Variants in TOM1L2 observed in about 807,000 individuals in gnomAD.
TOM1L2 encodes TOM1-like protein 2.
TOM1L2 carries 31 observed loss-of-function variants against 67.9 expected under a neutral mutation model. The ratio of observed to expected loss-of-function variants is 0.46; its 90% CI spans 0.34 to 0.62. The LOEUF is 0.62. TOM1L2 is among the 20% of genes least tolerant of loss of function. TOM1L2 has a pLI of 0.01. For missense variants in TOM1L2, 606 were observed against 663.5 expected, an observed-to-expected ratio of 0.91 and a Z score of 0.95; for synonymous variants, 256 against 254.0, an observed-to-expected ratio of 1.01 and a Z score of -0.07.
intron 1 of TOM1L2, among the ~76,000 whole-genome samples, chr17:17,954,913 C>T (rs1048743248): frequency 1.3e-5 from 2 of 152,188 alleles, no homozygotes; most frequent in African/African-American, 4.8e-5. Context: ...GTCCCAGAAC[C>T]TCCATGGCAG....
Position 17,951,433 on chromosome 17 carries a change from A to C in TOM1L2, c.52+20829T>G, listed in dbSNP as rs148152734. Reference sequence around the variant, plus strand: ...TTTAGTACTTGGGTAGACACTGTAGATTCTCAAGCCTCATGTGTCACCAGT... The same window carrying C: ...TTTAGTACTTGGGTAGACACTGTAGCTTCTCAAGCCTCATGTGTCACCAGT... On this transcript the variant is annotated intron_variant, in intron 1 of 14. Transcript: ENST00000379504. Among the ~76,000 whole-genome samples, 13 of 152,334 alleles carry C rather than the reference A, an allele frequency of 8.5e-5. No individual in the cohort carries two copies. The East Asian group carries it at 2.5e-3, about 29-fold the overall frequency.
chr17:17,863,271 C>A, intron 10 of TOM1L2: 1 of 167,896 alleles, frequency 6.0e-6, no homozygotes, highest in Non-Finnish European at 1.3e-5. Flanking sequence ...TTGAGTAGAC[C>A]AAATTGAATC....
chr17:17,888,580 G>T (rs148118677), intron 4 of TOM1L2, among the ~76,000 whole-genome samples: 61 of 152,306 alleles, frequency 4.0e-4, no homozygotes, highest in Non-Finnish European at 7.9e-4. Context: ...TCTGGCCAGA[G>T]CCCAGCTACC....
intron 1 of TOM1L2, among the ~76,000 whole-genome samples, chr17:17,943,265 A>C (rs187888734): frequency 2.0e-5 from 3 of 152,346 alleles, no homozygotes; most frequent in Non-Finnish European, 4.4e-5. Context: ...AATCCACTGT[A>C]ACAGTCACTT....
chr17:17,921,841 G>A (rs1035144065), intron 1 of TOM1L2, among the ~76,000 whole-genome samples: 2 of 152,148 alleles, frequency 1.3e-5, no homozygotes, highest in Non-Finnish European at 2.9e-5. Flanking sequence ...TCCCCAGAGC[G>A]CCTCCCAGGG....
At chr17:17,887,316 T>C (rs2038048898) in intron 4 of TOM1L2, among the ~76,000 whole-genome samples, 1 of 152,238 alleles carries the variant, frequency 6.6e-6, no homozygotes, top group Admixed American at 6.5e-5. Context: ...CTCTATTGAA[T>C]AGGATTCTCA....
rs1041040260 is a variant in TOM1L2, at chr17:17,843,724, C to T, written c.*3911G>A. 6.6e-6 allele frequency: 1 copy of T among 152,500 alleles called. No homozygotes were observed. The highest frequency in any genetic ancestry group is 1.9e-4 in the East Asian group (1 of 5,200). 9.4% of individuals were successfully genotyped at this position (152,500 alleles called of 1,614,324 possible). On this transcript the variant is annotated 3_prime_UTR_variant, in exon 15 of 15. Coordinates refer to ENST00000379504, the MANE Select transcript of TOM1L2 (RefSeq NM_001082968.2). The stretch of plus-strand genomic sequence containing the variant: ...AGTGGACAGCAAACGCGACATTCAA[C>T]ACATTCCTCTTTTCAGTAGCCCCCA...
intron 10 of TOM1L2, 123 bp from the exon 11 acceptor site, chr17:17,862,971 G>GGA: frequency 4.4e-5 from 17 of 389,810 alleles, no homozygotes; most frequent in South Asian, 7.7e-5. Flanking sequence ...GGTGGGGCGG[G>GGA]ACTTTCCTTG....
intron 1 of TOM1L2, among the ~76,000 whole-genome samples, chr17:17,956,889 G>A (rs755780359): frequency 6.6e-6 from 1 of 152,152 alleles, no homozygotes; most frequent in Non-Finnish European, 1.5e-5. Flanking sequence ...AGGCGGCTCC[G>A]GCCTCGGCCA....
chr17:17,915,619 A>G (rs2039594727), intron 1 of TOM1L2, among the ~76,000 whole-genome samples: 1 of 151,928 alleles, frequency 6.6e-6, no homozygotes, highest in African/African-American at 2.4e-5. Context: ...GGTCTCAAGC[A>G]ATCCTCCCAC....
intron 1 of TOM1L2, among the ~76,000 whole-genome samples, chr17:17,950,644 T>C (rs2144891586): frequency 6.6e-6 from 1 of 152,332 alleles, no homozygotes; most frequent in East Asian, 1.9e-4. Flanking sequence ...TAGAAGAATC[T>C]TGCTTTGATT....
intron 11 of TOM1L2, chr17:17,861,783 C>T (rs1224068267): frequency 1.0e-5 from 5 of 479,682 alleles, no homozygotes; most frequent in East Asian, 3.6e-5. Context: ...CTAATCTCTG[C>T]GATCTCAGAT....
Position 17,882,837 on chromosome 17 carries a change from C to T in TOM1L2, c.528G>A (p.Ala176=), listed in dbSNP as rs547097430. ...GCTGTGATTGGGACCTGGGCATGGT[C>T]GCAGCTGGATCCACTTCAGGGACAC... ...QRSVPEVDPA[A]TMPRSQSQQR... is the part of the protein sequence containing the mutation. Residue 176 remains alanine (A), a synonymous_variant, in exon 6 of 15, where the codon GCG becomes GCA. Transcript: ENST00000379504. The T allele has an allele frequency of 6.1e-5, 98 of 1,614,108 alleles. 2 individuals carry two copies. In the South Asian group the frequency reaches 7.8e-4, roughly 13 times the overall value.
At chr17:17,950,602 C>A (rs937247049) in intron 1 of TOM1L2, among the ~76,000 whole-genome samples, 1 of 152,060 alleles carries the variant, frequency 6.6e-6, no homozygotes, top group Non-Finnish European at 1.5e-5. Context: ...TGAGTCTTGG[C>A]GGGGAGCCTT....
intron 12 of TOM1L2, chr17:17,851,224 G>C (rs1264911231): frequency 1.0e-5 from 5 of 485,356 alleles, no homozygotes; most frequent in African/African-American, 2.0e-5. Context: ...TTCTTGAAAT[G>C]GAGAACTTTT....
At chr17:17,898,019 G>A (rs1387234350) in intron 3 of TOM1L2, among the ~76,000 whole-genome samples, 2 of 149,162 alleles carry the variant, frequency 1.3e-5, no homozygotes, top group Non-Finnish European at 3.0e-5. Flanking sequence ...TCCACCTCCC[G>A]GGTTCAAGCA....
At chr17:17,955,902 G>A (rs890552454) in intron 1 of TOM1L2, among the ~76,000 whole-genome samples, 2 of 152,258 alleles carry the variant, frequency 1.3e-5, no homozygotes, top group African/African-American at 4.8e-5. Flanking sequence ...GAGTGTTACA[G>A]CTCTTAAGGC....
At position 17,952,376 on chromosome 17, in the gene TOM1L2, C is replaced by CTTTT. The variant is rs60388742; in HGVS notation, c.52+19882_52+19885dup. Reference sequence around the variant, plus strand: ...TATACAGTAAGTGCTTCTTTATTTTCTTTTTTTTTTTTTTTTTTTTTTTTT... The same window carrying CTTTT: ...TATACAGTAAGTGCTTCTTTATTTTCTTTTTTTTTTTTTTTTTTTTTTTTTTTTT... On this transcript the variant is annotated intron_variant, in intron 1 of 14. Coordinates refer to ENST00000379504, the MANE Select transcript of TOM1L2 (RefSeq NM_001082968.2). 1.3e-3 allele frequency among the ~76,000 whole-genome samples: 100 copies of CTTTT among 79,850 alleles called. 4 individuals carry two copies. Among genetic ancestry groups the CTTTT allele is most frequent in the African/African-American group, 1.9e-3 (44 of 22,810 alleles). The allele number at this position is 79,850 out of a possible 152,430, so 52.4% of individuals were successfully genotyped here. A position where few individuals can be genotyped will look rare whatever the true frequency, so the allele number is the denominator to read the frequency against.
At chr17:17,916,865 A>G (rs899962562) in intron 1 of TOM1L2, among the ~76,000 whole-genome samples, 2 of 152,172 alleles carry the variant, frequency 1.3e-5, no homozygotes, top group Non-Finnish European at 2.9e-5. Context: ...TCTACTAAAA[A>G]TACAAAAATT....
Sources: allele counts gnomAD v4.1 joint callset (sites outside exome capture counted in the v4.1 genomes callset), GRCh38; gene constraint gnomAD v4.1.1; transcripts MANE v1.5; gene names NCBI Gene and HGNC (gene_info 2026-07-23, HGNC 2026-07-21).